The following MAP4K3 variants were observed in gnomAD, a reference collection of about 807,000 sequenced individuals.
MAP4K3 encodes the protein mitogen-activated protein kinase kinase kinase kinase 3.
A neutral mutation model predicts 143.5 loss-of-function variants in MAP4K3; 94 were observed. That is an observed-to-expected ratio of 0.65 (90% CI 0.55 to 0.78). The LOEUF (loss-of-function observed/expected upper bound fraction) is 0.78, where lower values mean the gene tolerates loss of function less well. MAP4K3 is among the 30% of genes least tolerant of loss of function. MAP4K3 has a pLI of 0.00. For missense variants in MAP4K3, 1,077 were observed against 1,068.1 expected (o/e 1.01, Z -0.12); for synonymous variants, 416 against 347.2 (o/e 1.20, Z -2.20).
At chr2:39,420,266 G>C (rs1250991211) in intron 1 of MAP4K3, among the ~76,000 whole-genome samples, 1 of 152,164 alleles carries the variant, frequency 6.6e-6, no homozygotes, top group Non-Finnish European at 1.5e-5. Flanking sequence ...GAAATATTTA[G>C]TAACTTATAA....
At chr2:39,343,610 C>T (rs1400138382) in intron 3 of MAP4K3, among the ~76,000 whole-genome samples, 158 bp from the exon 4 acceptor site, 1 of 152,060 alleles carries the variant, frequency 6.6e-6, no homozygotes, top group Non-Finnish European at 1.5e-5. Flanking sequence ...TAATGAATTA[C>T]TTAATATAAT....
intron 2 of MAP4K3, among the ~76,000 whole-genome samples, chr2:39,358,093 C>T (rs1395938613): frequency 1.1e-4 from 16 of 152,190 alleles, no homozygotes; most frequent in Admixed American, 9.8e-4. Context: ...CAAGCCTCAC[C>T]TGTCTCTGTA....
chr2:39,271,860 G>T (rs947544307), intron 26 of MAP4K3: 1 of 161,352 alleles, frequency 6.2e-6, no homozygotes, highest in South Asian at 1.8e-4. Flanking sequence ...GCCTCTCAAA[G>T]TATTGGGATT....
chr2:39,384,901 T>C (rs1416455609), intron 1 of MAP4K3, among the ~76,000 whole-genome samples: 1 of 152,220 alleles, frequency 6.6e-6, no homozygotes, highest in East Asian at 1.9e-4. Context: ...AAAACTCCAA[T>C]GGAAGTCATA....
Position 39,378,090 on chromosome 2 carries a change from T to C in MAP4K3, c.130A>G (p.Ile44Val). The C allele has an allele frequency of 1.9e-6, 3 of 1,591,782 alleles. No homozygotes were observed. The highest frequency in any genetic ancestry group is 2.6e-6 in the Non-Finnish European group (3 of 1,168,492). ...RNVNTGELAA[I>V]KVIKLEPGED... ...CCTGGTTCCAATTTTATTACTTTAA[T>C]TGCTGCTAATTCACCAGTGTTAACA... The change falls in exon 2 of 34, where the codon ATT (isoleucine) becomes GTT (valine). Residue 44 changes from isoleucine to valine, a missense_variant. This residue lies in a region of MAP4K3 where 213 missense variants were observed against 266.8 expected (regional missense o/e 0.80). Coordinates refer to ENST00000263881, the MANE Select transcript of MAP4K3 (RefSeq NM_003618.4).
chr2:39,265,171 T>C (rs745470872), intron 28 of MAP4K3, 32 bp downstream of exon 28: 43 of 1,341,200 alleles, frequency 3.2e-5, no homozygotes, highest in Non-Finnish European at 9.5e-6. Context: ...GCTTTTATAG[T>C]AAGAATAAGA....
At chr2:39,261,982 C>G (rs1680586809) in intron 28 of MAP4K3, among the ~76,000 whole-genome samples, 1 of 151,942 alleles carries the variant, frequency 6.6e-6, no homozygotes, top group Non-Finnish European at 1.5e-5. Flanking sequence ...AAAGGGAATT[C>G]TAAAATTTTT....
At position 39,308,010 on chromosome 2, in the gene MAP4K3, T is replaced by A; in HGVS notation, c.1057-5A>T. On this transcript the variant is annotated splice_polypyrimidine_tract_variant and splice_region_variant and intron_variant, in intron 14 of 33. Transcript: ENST00000263881. Reference sequence around the variant, plus strand: ...CAAAAAACCATCACTGTCGGGCTGTTTAGCAGAGACCAAGAAACCCAAGTT... The same window carrying A: ...CAAAAAACCATCACTGTCGGGCTGTATAGCAGAGACCAAGAAACCCAAGTT... 1.9e-6 allele frequency: 3 copies of A among 1,592,644 alleles called. No homozygotes were observed. The East Asian group carries it at 6.9e-5, about 36-fold the overall frequency.
At chr2:39,252,019 A>G (rs1180711040) in intron 32 of MAP4K3, 134 bp from the exon 33 acceptor site, 6 of 663,846 alleles carry the variant, frequency 9.0e-6, no homozygotes, top group Non-Finnish European at 1.6e-5. Flanking sequence ...ACTGTTTGTT[A>G]AAGTCAGCAT....
At chr2:39,309,369 G>A in intron 14 of MAP4K3, 92 bp downstream of exon 14, 1 of 883,722 alleles carries the variant, frequency 1.1e-6, no homozygotes. Flanking sequence ...AAATATTAAT[G>A]ACTAGCTTTT....
intron 2 of MAP4K3, among the ~76,000 whole-genome samples, chr2:39,368,169 C>CT (rs1665977581): frequency 6.6e-6 from 1 of 152,116 alleles, no homozygotes; most frequent in Admixed American, 6.6e-5. Flanking sequence ...ATCGCGCCCC[C>CT]TGCCTACTAA....
intron 14 of MAP4K3, 111 bp from the exon 15 acceptor site, chr2:39,308,116 TA>T (rs1181563344): frequency 9.3e-6 from 6 of 647,800 alleles, no homozygotes; most frequent in Non-Finnish European, 1.5e-5. Context: ...ATAATTTTAT[TA>T]AGGCAAATGG....
intron 2 of MAP4K3, among the ~76,000 whole-genome samples, chr2:39,367,513 C>T (rs901471389): frequency 6.6e-6 from 1 of 151,738 alleles, no homozygotes; most frequent in East Asian, 1.9e-4. Context: ...GCACTCCAGC[C>T]TGGGTGACAG....
At chr2:39,400,249 A>G (rs1463776333) in intron 1 of MAP4K3, among the ~76,000 whole-genome samples, 1 of 152,200 alleles carries the variant, frequency 6.6e-6, no homozygotes, top group Non-Finnish European at 1.5e-5. Flanking sequence ...CTAGTGCCCT[A>G]GAGTTCAGGC....
chr2:39,431,608 CCAAA>C (rs761311898), intron 1 of MAP4K3, among the ~76,000 whole-genome samples: 1 of 151,972 alleles, frequency 6.6e-6, no homozygotes, highest in African/African-American at 2.4e-5. Flanking sequence ...AAGAAGCAAG[CCAAA>C]CAGATATTGG....
intron 12 of MAP4K3, among the ~76,000 whole-genome samples, chr2:39,319,249 C>G (rs1304480135): frequency 6.6e-6 from 1 of 150,916 alleles, no homozygotes; most frequent in East Asian, 1.9e-4. Flanking sequence ...TTTTAAACCA[C>G]AACTACAAAG....
At chr2:39,258,280 T>G (rs1680428122) in intron 31 of MAP4K3, 68 bp downstream of exon 31, 1 of 1,016,876 alleles carries the variant, frequency 9.8e-7, no homozygotes, top group Admixed American at 2.5e-5. Context: ...ATCTTTAATT[T>G]TGGATAATTA....
intron 1 of MAP4K3, among the ~76,000 whole-genome samples, chr2:39,434,390 A>C (rs2148641853): frequency 6.6e-6 from 1 of 152,322 alleles, no homozygotes; most frequent in South Asian, 2.1e-4. Context: ...AACCACATGA[A>C]GTTTCTCTGC....
chr2:39,411,802 G>A (rs1285826079), intron 1 of MAP4K3, among the ~76,000 whole-genome samples: 5 of 152,180 alleles, frequency 3.3e-5, no homozygotes, highest in Non-Finnish European at 5.9e-5. Flanking sequence ...GTGACTAAAC[G>A]TAATGGCTTG....
Sources: gnomAD v4.1 joint callset for allele counts (sites outside exome capture counted in the v4.1 genomes callset) on GRCh38, gnomAD v4.1.1 for gene constraint, gnomAD v4.1.1 regional missense constraint, MANE v1.5 for transcripts, NCBI Gene and HGNC (gene_info 2026-07-23, HGNC 2026-07-21) for gene names.